The following SYT17 variants were observed in gnomAD, a reference collection of about 807,000 sequenced individuals.
The protein encoded by SYT17 is synaptotagmin-17.
SYT17 carries 22 observed loss-of-function variants against 46.7 expected under a neutral mutation model. The observed-to-expected ratio is 0.47, with a 90% CI of 0.34 to 0.67. The LOEUF is 0.67. SYT17 is among the 30% of genes least tolerant of loss of function. The probability of loss-of-function intolerance (pLI) is 0.01; values close to 1 mark genes in which losing one functional copy is unlikely to be tolerated. For missense variants in SYT17, 519 were observed against 612.8 expected (o/e 0.85, Z 1.62); for synonymous variants, 251 against 248.4 (o/e 1.01, Z -0.10).
intron 3 of SYT17, among the ~76,000 whole-genome samples, chr16:19,178,467 C>T (rs1052059983): frequency 3.3e-5 from 5 of 151,750 alleles, no homozygotes; most frequent in Admixed American, 2.0e-4. Flanking sequence ...AATTTTTGTA[C>T]TTTTAATAGA....
In SYT17 at chr16:19,183,535, G is replaced by A. The variant is rs1203543981; in HGVS notation, c.339G>A (p.Glu113=). ...YSLTRRISSL[E]SRRPSSPLID... is the part of the protein sequence containing the mutation. Reference sequence around the variant, plus strand: ...ATTTCTGGTGGCTCTCAGGTCTTGAGTCAAGACGTCCCAGCTCTCCACTCA... The same window carrying A: ...ATTTCTGGTGGCTCTCAGGTCTTGAATCAAGACGTCCCAGCTCTCCACTCA... Residue 113 remains glutamate, a synonymous_variant, in exon 5 of 8, where the codon GAG becomes GAA. Coordinates refer to ENST00000355377, the MANE Select transcript of SYT17 (RefSeq NM_016524.4). The surrounding 1 kb of genome is among the most constrained non-coding windows in gnomAD (Gnocchi z 5.6). 1.2e-6 allele frequency: 2 copies of A among 1,613,858 alleles called. No individual in the cohort carries two copies. The highest frequency in any genetic ancestry group is 3.3e-5 in the Admixed American group (2 of 60,000).
chr16:19,232,564 C>T (rs1201780159), intron 7 of SYT17, among the ~76,000 whole-genome samples: 3 of 152,098 alleles, frequency 2.0e-5, no homozygotes, highest in Non-Finnish European at 4.4e-5. Flanking sequence ...GGTGCGGTGG[C>T]TCACACCTCT....
At chr16:19,201,194 C>T (rs920978739) in intron 5 of SYT17, among the ~76,000 whole-genome samples, 1 of 152,120 alleles carries the variant, frequency 6.6e-6, no homozygotes, top group Non-Finnish European at 1.5e-5. Context: ...GTCATGGAGG[C>T]CTGTTTATCT....
chr16:19,173,491 A>T lies in SYT17; in HGVS notation c.95A>T (p.Gln32Leu), dbSNP rs754966182. 6.2e-6 allele frequency: 10 copies of T among 1,612,372 alleles called. No homozygotes were observed. The highest frequency in any genetic ancestry group is 8.5e-6 in the Non-Finnish European group (10 of 1,179,864). Reference sequence around the variant, plus strand: ...AGATGGACCTGCCGGCACTGCTGTCAGAAGTGCTACGAGTCCAGCTGTTGC... The same window carrying T: ...AGATGGACCTGCCGGCACTGCTGTCTGAAGTGCTACGAGTCCAGCTGTTGC... ...LCRWTCRHCC[Q>L]KCYESSCCQS... is the part of the protein sequence containing the mutation. Residue 32 changes from glutamine to leucine, a missense_variant, in exon 3 of 8, where the codon CAG becomes CTG. Coordinates refer to ENST00000355377, the MANE Select transcript of SYT17 (RefSeq NM_016524.4).
At position 19,171,282 on chromosome 16, in the gene SYT17, C is replaced by T. The variant is rs181944565; in HGVS notation, c.16-1478C>T. The T allele has an allele frequency of 4.2e-3, 597 of 143,496 alleles. 7 individuals are homozygous for T. The highest frequency in any genetic ancestry group is 0.022 in the Admixed American group (297 of 13,652). 8.9% of individuals were successfully genotyped at this position (143,496 alleles called of 1,614,324 possible). ...CAATTTTTTCACAAGCCACGTACCA[C>T]CTATACTATGATGATGATGATGATG... On this transcript the variant is annotated intron_variant, in intron 1 of 7. Transcript: ENST00000355377.
intron 7 of SYT17, among the ~76,000 whole-genome samples, chr16:19,244,245 A>G (rs534251613): frequency 6.6e-6 from 1 of 152,346 alleles, no homozygotes; most frequent in African/African-American, 2.4e-5. Context: ...GCTAGAAGTC[A>G]CTGTATCAGT....
intron 5 of SYT17, among the ~76,000 whole-genome samples, chr16:19,216,780 A>G (rs1966112556): frequency 6.6e-6 from 1 of 152,096 alleles, no homozygotes; most frequent in Admixed American, 6.5e-5. Context: ...CCTGTCTATC[A>G]TTGTTGGACA....
intron 1 of SYT17, chr16:19,172,452 A>C: frequency 2.8e-6 from 4 of 1,444,862 alleles, no homozygotes; most frequent in Non-Finnish European, 2.7e-6. Context: ...TAGCATGACT[A>C]TCTATCCGCC....
chr16:19,258,209 C>T (rs1221984167), intron 7 of SYT17, among the ~76,000 whole-genome samples: 22 of 152,088 alleles, frequency 1.4e-4, no homozygotes, highest in Admixed American at 1.4e-3. Context: ...ACTCACTCTT[C>T]TCAGCTGTAA....
At chr16:19,210,658 A>G (rs1965864326) in intron 5 of SYT17, among the ~76,000 whole-genome samples, 1 of 152,208 alleles carries the variant, frequency 6.6e-6, no homozygotes, top group African/African-American at 2.4e-5. Flanking sequence ...CATTTGATGA[A>G]ATGTGTAAAG....
intron 7 of SYT17, among the ~76,000 whole-genome samples, chr16:19,243,724 A>G (rs903835721): frequency 2.7e-5 from 4 of 149,672 alleles, no homozygotes; most frequent in Admixed American, 6.8e-5. Context: ...AGGCTGAGGC[A>G]GGAGAATCAC....
At chr16:19,256,153 G>T (rs1027447422) in intron 7 of SYT17, among the ~76,000 whole-genome samples, 3 of 152,136 alleles carry the variant, frequency 2.0e-5, no homozygotes, top group African/African-American at 7.2e-5. Flanking sequence ...ACAGGACAGG[G>T]CTGGTATGTG....
intron 7 of SYT17, among the ~76,000 whole-genome samples, chr16:19,238,882 T>C (rs1966892262): frequency 6.6e-6 from 1 of 152,122 alleles, no homozygotes; most frequent in African/African-American, 2.4e-5. Context: ...GGAAATCAAA[T>C]CAGAAACCAA....
chr16:19,252,121 C>G (rs1472349781), intron 7 of SYT17, among the ~76,000 whole-genome samples: 1 of 151,474 alleles, frequency 6.6e-6, no homozygotes, highest in Non-Finnish European at 1.5e-5. Flanking sequence ...GACATCATGC[C>G]ACTGCACTCC....
chr16:19,213,588 T>G (rs185172073), intron 5 of SYT17, among the ~76,000 whole-genome samples: 4 of 152,332 alleles, frequency 2.6e-5, no homozygotes, highest in East Asian at 1.9e-4. Flanking sequence ...TCGCATCAGA[T>G]AGCCTCAAAC....
At chr16:19,186,489 A>G (rs1386159269) in intron 5 of SYT17, among the ~76,000 whole-genome samples, 1 of 152,202 alleles carries the variant, frequency 6.6e-6, no homozygotes, top group East Asian at 1.9e-4. Context: ...GTCTCTAAAA[A>G]AATAAAATAA....
intron 5 of SYT17, among the ~76,000 whole-genome samples, chr16:19,192,842 T>C (rs994902338): frequency 6.6e-6 from 1 of 152,184 alleles, no homozygotes; most frequent in African/African-American, 2.4e-5. Flanking sequence ...TCTCTTACTT[T>C]AACAAGCATC....
At chr16:19,249,777 CT>C (rs1248576468) in intron 7 of SYT17, among the ~76,000 whole-genome samples, 1 of 152,120 alleles carries the variant, frequency 6.6e-6, no homozygotes, top group African/African-American at 2.4e-5. Flanking sequence ...GTTTCAGACT[CT>C]TTGGTTCAGG....
chr16:19,181,914 G>C (rs187955787), intron 4 of SYT17, among the ~76,000 whole-genome samples: 1 of 151,546 alleles, frequency 6.6e-6, no homozygotes, highest in South Asian at 2.1e-4. Flanking sequence ...CAGGAGAATC[G>C]GTTGAACCCG....
Sources: gnomAD v4.1 joint callset for allele counts (sites outside exome capture counted in the v4.1 genomes callset) on GRCh38, gnomAD v4.1.1 for gene constraint, Gnocchi (gnomAD v3.1) non-coding constraint, MANE v1.5 for transcripts, NCBI Gene and HGNC (gene_info 2026-07-23, HGNC 2026-07-21) for gene names.